EDA: variants seen among roughly 807,000 people sequenced by gnomAD.
EDA encodes the protein ectodysplasin-A.
A neutral mutation model predicts 23.6 loss-of-function variants in EDA; 2 were observed. The ratio of observed to expected loss-of-function variants is 0.08; its 90% CI spans 0.03 to 0.27. The LOEUF (loss-of-function observed/expected upper bound fraction) is 0.27. Among genes scored for constraint, EDA ranks in the 10% least tolerant of loss-of-function variants. The pLI, the probability that EDA is intolerant of heterozygous loss-of-function variation, is 1.00. For synonymous variants in EDA, 131 were observed against 132.0 expected, an observed-to-expected ratio of 0.99 and a Z score of 0.05; for missense variants, 229 against 324.2, an observed-to-expected ratio of 0.71 and a Z score of 2.26.
At chrX:69,918,249 C>T (rs948450427) in intron 1 of EDA, among the ~76,000 whole-genome samples, 2 of 103,900 alleles carry the variant, frequency 1.9e-5, no homozygotes, top group Non-Finnish European at 3.9e-5. Flanking sequence ...CTCCGTCTGT[C>T]GGGTTCAAGA....
intron 1 of EDA, among the ~76,000 whole-genome samples, chrX:69,863,597 G>GTA (rs1413450563): frequency 1.0e-3 from 88 of 85,020 alleles, no homozygotes; most frequent in Non-Finnish European, 1.8e-3. Context: ...ATACATATAT[G>GTA]TATATATATG....
chrX:69,941,247 C>A (rs1368814567), intron 1 of EDA, among the ~76,000 whole-genome samples: 1 of 111,544 alleles, frequency 9.0e-6, no homozygotes, highest in Non-Finnish European at 1.9e-5. Flanking sequence ...ACTTTGCAAC[C>A]CTTGGATGAA....
At chrX:69,866,408 C>A (rs2017486587) in intron 1 of EDA, among the ~76,000 whole-genome samples, 1 of 111,406 alleles carries the variant, frequency 9.0e-6, no homozygotes, top group Admixed American at 9.6e-5. Context: ...GTCCAGGTGG[C>A]AATCTTAACT....
At chrX:69,791,643 G>A (rs915515125) in intron 1 of EDA, among the ~76,000 whole-genome samples, 1 of 111,736 alleles carries the variant, frequency 8.9e-6, no homozygotes, top group South Asian at 3.7e-4. Flanking sequence ...TGCAACAATT[G>A]TATTTTTTTT....
At chrX:69,662,917 G>C (rs751727970) in intron 1 of EDA, among the ~76,000 whole-genome samples, 2 of 111,940 alleles carry the variant, frequency 1.8e-5, no homozygotes, top group Non-Finnish European at 3.8e-5. Context: ...CTTTGAACTT[G>C]AGAAAATTCT....
intron 1 of EDA, among the ~76,000 whole-genome samples, chrX:69,686,364 G>A (rs1479965494): frequency 1.8e-5 from 2 of 111,965 alleles, no homozygotes; most frequent in East Asian, 5.6e-4. Context: ...ATATAGGTTG[G>A]TGTCCCTGCC....
chrX:69,834,915 A>G (rs917669679), intron 1 of EDA, among the ~76,000 whole-genome samples: 43 of 111,539 alleles, frequency 3.9e-4, no homozygotes, highest in African/African-American at 1.4e-3. Context: ...CCTGGTGGTG[A>G]CAAAATCTCT....
chrX:70,033,671 G>A, intron 7 of EDA, 143 bp downstream of exon 7: 3 of 682,460 alleles, frequency 4.4e-6, no homozygotes, highest in South Asian at 5.0e-5. Context: ...ACCGCACTGG[G>A]AGGGAGTTGA....
intron 1 of EDA, among the ~76,000 whole-genome samples, chrX:69,720,273 T>G (rs909605094): frequency 2.7e-5 from 3 of 112,250 alleles, no homozygotes; most frequent in African/African-American, 9.7e-5. Flanking sequence ...TGAATTGATG[T>G]TCCCTATTAG....
rs1030130525 is a variant in EDA at position 69,656,845 on chromosome X, C to G, written c.396+40141C>G. On this transcript the variant is annotated intron_variant, in intron 1 of 7. Coordinates refer to ENST00000374552, the MANE Select transcript of EDA (RefSeq NM_001399.5). ...GGCATGATTTCATTCTTTTTTATGG[C>G]TACATAGTATTCCGTGGTGTATAGG... Among the ~76,000 whole-genome samples the G allele has an allele frequency of 2.7e-5, 3 of 111,950 alleles. No individual in the cohort carries two copies. The East Asian group carries it at 8.4e-4, about 31-fold the overall frequency.
chrX:69,826,354 C>G (rs2016434848), intron 1 of EDA, among the ~76,000 whole-genome samples: 1 of 109,244 alleles, frequency 9.2e-6, no homozygotes, highest in South Asian at 4.1e-4. Flanking sequence ...GTAGGTCACT[C>G]AGGACTTGCT....
intron 1 of EDA, among the ~76,000 whole-genome samples, chrX:69,734,441 C>T (rs2804368): frequency 0.35 from 39,099 of 110,170 alleles, 5,559 homozygotes; most frequent in Middle Eastern, 0.57. Context: ...TATTGATTTC[C>T]GTTTTTATTT....
At chrX:69,782,366 T>TAAAAAAAAAAAAAAAAAAAAAAAAA (rs751293381) in intron 1 of EDA, among the ~76,000 whole-genome samples, 1 of 65,456 alleles carries the variant, frequency 1.5e-5, no homozygotes, top group African/African-American at 7.6e-5. Context: ...TAAATGCTCT[T>TAAAAAAAAAAAAAAAAAAAAAAAAA]AAAAAAAAAA....
intron 1 of EDA, among the ~76,000 whole-genome samples, chrX:69,916,836 G>A (rs943576688): frequency 1.8e-5 from 2 of 110,348 alleles, no homozygotes; most frequent in Non-Finnish European, 3.8e-5. Context: ...ATAGATCTGG[G>A]GAGTGCTCAT....
chrX:69,874,967 T>G, intron 1 of EDA, among the ~76,000 whole-genome samples: 1 of 112,005 alleles, frequency 8.9e-6, no homozygotes, highest in Non-Finnish European at 1.9e-5. Flanking sequence ...TACAAAACAC[T>G]GCTGAATGAA....
At chrX:69,751,411 T>C (rs2013856926) in intron 1 of EDA, among the ~76,000 whole-genome samples, 1 of 112,725 alleles carries the variant, frequency 8.9e-6, no homozygotes, top group African/African-American at 3.2e-5. Flanking sequence ...AGTACCATGC[T>C]GTTTTGGTTA....
chrX:69,849,332 T>TA (rs1236147014), intron 1 of EDA, among the ~76,000 whole-genome samples: 1 of 111,930 alleles, frequency 8.9e-6, no homozygotes, highest in Non-Finnish European at 1.9e-5. Flanking sequence ...ATTGACACTT[T>TA]AAAAAATCTT....
intron 1 of EDA, among the ~76,000 whole-genome samples, chrX:69,880,379 G>GAGA (rs1411596559): frequency 3.6e-5 from 4 of 112,172 alleles, no homozygotes; most frequent in Non-Finnish European, 7.5e-5. Flanking sequence ...GCTCATCCCA[G>GAGA]AGAAGGACAT....
intron 1 of EDA, among the ~76,000 whole-genome samples, chrX:69,730,215 A>T (rs1391705902): frequency 1.8e-5 from 2 of 110,928 alleles, no homozygotes; most frequent in African/African-American, 6.6e-5. Flanking sequence ...GTCTTTGAGG[A>T]TGGGGATTTT....
Sources: gnomAD v4.1 joint callset for allele counts (sites outside exome capture counted in the v4.1 genomes callset) on GRCh38, gnomAD v4.1.1 for gene constraint, MANE v1.5 for transcripts, NCBI Gene and HGNC (gene_info 2026-07-23, HGNC 2026-07-21) for gene names.